PIK3C2G: variants seen among roughly 807,000 people sequenced by gnomAD.
PIK3C2G encodes phosphatidylinositol-4-phosphate 3-kinase catalytic subunit type 2 gamma.
A neutral mutation model predicts 181.1 loss-of-function variants in PIK3C2G; 168 were observed. That is an observed-to-expected ratio of 0.93 (90% CI 0.82 to 1.05). The LOEUF (loss-of-function observed/expected upper bound fraction) is 1.05, where lower values mean the gene tolerates loss of function less well. Among genes scored for constraint, PIK3C2G ranks in the 50% least tolerant of loss-of-function variants. PIK3C2G has a pLI of 0.00. For missense variants in PIK3C2G, 1,869 were observed against 1,732.8 expected, an observed-to-expected ratio of 1.08 and a Z score of -1.40; for synonymous variants, 573 against 592.2, an observed-to-expected ratio of 0.97 and a Z score of 0.47.
chr12:18,381,863 T>C lies in PIK3C2G; in HGVS notation c.1978T>C (p.Ser660Pro). ...TPGVWDVSQP[S>P]PVTLQIDFPA... is the part of the protein sequence containing the mutation. ...AGGAGTGTGGGATGTAAGTCAGCCA[T>C]CCCCGGTGACCCTGCAGGTAAGTGC... The change falls in exon 14 of 33, where the codon TCC becomes CCC. Residue 660 changes from serine to proline, a missense_variant. Transcript: ENST00000538779. 6.2e-7 allele frequency: 1 copy of C among 1,609,708 alleles called. No homozygotes were observed. Among genetic ancestry groups the C allele is most frequent in the Non-Finnish European group, 8.5e-7 (1 of 1,176,000 alleles).
intron 18 of PIK3C2G, among the ~76,000 whole-genome samples, chr12:18,478,972 C>A (rs1339738323): frequency 7.1e-6 from 1 of 139,942 alleles, no homozygotes; most frequent in Non-Finnish European, 1.5e-5. Flanking sequence ...GAGATCCTGT[C>A]TCAAAAAAAA....
chr12:18,681,238 A>G, the PIK3C2G span, among the ~76,000 whole-genome samples: 36 of 152,028 alleles, frequency 2.4e-4, no homozygotes, highest in Admixed American at 5.9e-4. Flanking sequence ...TATCAGTTGT[A>G]AAGAAGCGTA....
intron 4 of PIK3C2G, among the ~76,000 whole-genome samples, chr12:18,293,324 TA>T (rs530613149): frequency 1.9e-3 from 291 of 152,270 alleles, no homozygotes; most frequent in African/African-American, 6.7e-3. Flanking sequence ...AAATCTATAT[TA>T]TTTCCATGTC....
At chr12:18,271,601 G>A (rs1948747279) in intron 1 of PIK3C2G, among the ~76,000 whole-genome samples, 1 of 152,110 alleles carries the variant, frequency 6.6e-6, no homozygotes, top group African/African-American at 2.4e-5. Context: ...TGAGATGGCA[G>A]TGGCTTATTA....
chr12:18,369,670 CATATGATCATATAACGGTCGTATAAT>C (rs1941904873), intron 12 of PIK3C2G, among the ~76,000 whole-genome samples: 1 of 90,642 alleles, frequency 1.1e-5, no homozygotes, highest in Non-Finnish European at 2.0e-5. Context: ...GTATAATTGA[CATATGATCATATAACGGTCGTATAAT>C]TGACATATGA....
chr12:18,583,860 A>G (rs1337986264), intron 29 of PIK3C2G, among the ~76,000 whole-genome samples: 6 of 152,184 alleles, frequency 3.9e-5, no homozygotes, highest in African/African-American at 1.4e-4. Flanking sequence ...AGGGTTCTTA[A>G]CTAGGCTGAG....
At chr12:18,633,723 C>CT (rs1320021007) in intron 31 of PIK3C2G, among the ~76,000 whole-genome samples, 2 of 152,212 alleles carry the variant, frequency 1.3e-5, no homozygotes, top group Admixed American at 1.3e-4. Flanking sequence ...CTGTAACTCC[C>CT]TTTTTGCCTG....
chr12:18,643,519 G>C (rs912487717), intron 32 of PIK3C2G, among the ~76,000 whole-genome samples: 2 of 151,364 alleles, frequency 1.3e-5, no homozygotes, highest in Non-Finnish European at 2.9e-5. Flanking sequence ...AGAGCCAAAA[G>C]GAAAAAAAGG....
intron 25 of PIK3C2G, among the ~76,000 whole-genome samples, chr12:18,546,099 T>C (rs1944406472): frequency 6.6e-6 from 1 of 151,954 alleles, no homozygotes; most frequent in Non-Finnish European, 1.5e-5. Flanking sequence ...AATGTTCCAA[T>C]TATAGTGGTT....
At chr12:18,467,265 T>C (rs945196039) in intron 18 of PIK3C2G, among the ~76,000 whole-genome samples, 1 of 152,016 alleles carries the variant, frequency 6.6e-6, no homozygotes, top group Non-Finnish European at 1.5e-5. Context: ...GAATTGATTC[T>C]ACTCCTCCTA....
At chr12:18,531,310 TTTTTA>T (rs1288889279) in intron 24 of PIK3C2G, among the ~76,000 whole-genome samples, 1 of 152,162 alleles carries the variant, frequency 6.6e-6, no homozygotes, top group Admixed American at 6.6e-5. Flanking sequence ...TAAATAATAC[TTTTTA>T]TTTTGAGATA....
chr12:18,476,497 A>G (rs889805189), intron 18 of PIK3C2G, among the ~76,000 whole-genome samples: 5 of 152,128 alleles, frequency 3.3e-5, no homozygotes, highest in Admixed American at 3.3e-4. Context: ...AGACTAAGTA[A>G]AAAAGGAAGA....
intron 9 of PIK3C2G, among the ~76,000 whole-genome samples, chr12:18,342,023 A>G (rs1276282971): frequency 1.3e-5 from 2 of 152,180 alleles, no homozygotes; most frequent in Non-Finnish European, 2.9e-5. Context: ...CAGAACTCAC[A>G]TAATTTAATT....
chr12:18,294,067 A>T, intron 5 of PIK3C2G, 52 bp downstream of exon 5: 3 of 785,324 alleles, frequency 3.8e-6, no homozygotes, highest in Non-Finnish European at 6.5e-6. Context: ...ATATTAAGTT[A>T]CCACTTGTTT....
intron 27 of PIK3C2G, 25 bp downstream of exon 27, chr12:18,562,917 A>T (rs1195874185): frequency 6.7e-7 from 1 of 1,485,714 alleles, no homozygotes; most frequent in Middle Eastern, 1.7e-4. Flanking sequence ...CGTCATCTTG[A>T]CTTACGTATC....
At position 18,647,876 on chromosome 12, in the gene PIK3C2G, G is replaced by T; in HGVS notation, c.4309G>T (p.Val1437Leu). 6.7e-7 allele frequency: 1 copy of T among 1,499,378 alleles called. No individual in the cohort carries two copies. The highest frequency in any genetic ancestry group is 9.0e-7 in the Non-Finnish European group (1 of 1,114,638). The allele number at this position is 1,499,378 out of a possible 1,614,324, so 92.9% of individuals were successfully genotyped here. ...KCTDPTYNEI[V>L]VYDEVTELQG... The stretch of plus-strand genomic sequence containing the variant: ...TTTTCATTATTTTCTCCGTTTTTAG[G>T]TAGTATATGATGAAGTCACAGAGCT... Residue 1437 changes from valine (V) to leucine (L), a missense_variant and splice_region_variant, in exon 33 of 33, where the codon GTA becomes TTA. Coordinates refer to ENST00000538779, the MANE Select transcript of PIK3C2G (RefSeq NM_001288772.2).
intron 6 of PIK3C2G, among the ~76,000 whole-genome samples, chr12:18,320,553 G>A (rs1951063278): frequency 6.6e-6 from 1 of 152,218 alleles, no homozygotes; most frequent in African/African-American, 2.4e-5. Context: ...TGAAGGAGTT[G>A]ATTATGTGTC....
chr12:18,310,890 T>C (rs959849136), intron 5 of PIK3C2G, among the ~76,000 whole-genome samples: 1 of 151,988 alleles, frequency 6.6e-6, no homozygotes, highest in Non-Finnish European at 1.5e-5. Flanking sequence ...AAAAGGAATT[T>C]ATAGGCTAGA....
the PIK3C2G span, among the ~76,000 whole-genome samples, chr12:18,672,305 A>G: frequency 6.6e-6 from 1 of 152,254 alleles, no homozygotes; most frequent in African/African-American, 2.4e-5. Flanking sequence ...CTCAGTCGTC[A>G]TTGCTCATCT....
Sources: gnomAD v4.1 joint callset for allele counts (sites outside exome capture counted in the v4.1 genomes callset) on GRCh38, gnomAD v4.1.1 for gene constraint, MANE v1.5 for transcripts, NCBI Gene and HGNC (gene_info 2026-07-23, HGNC 2026-07-21) for gene names.